Variants in RAB21 observed in about 807,000 individuals in gnomAD.
The protein encoded by RAB21 is ras-related protein Rab-21.
RAB21 carries 13 observed loss-of-function variants against 33.1 expected under a neutral mutation model. The observed-to-expected ratio is 0.39, with a 90% CI of 0.26 to 0.62. The LOEUF (loss-of-function observed/expected upper bound fraction) is 0.62. Among genes scored for constraint, RAB21 ranks in the 20% least tolerant of loss-of-function variants. The pLI is 0.48. For missense variants in RAB21, 234 were observed against 279.1 expected, an observed-to-expected ratio of 0.84 and a Z score of 1.15; for synonymous variants, 91 against 103.7, an observed-to-expected ratio of 0.88 and a Z score of 0.74.
At position 71,781,959 on chromosome 12, in the gene RAB21, A is replaced by C. The variant is rs73140637; in HGVS notation, c.392-72A>C. ...CTGGTAATTAAAATGGCAATTTTATATTTAGAATTGGCTTAATTTTGTTAT... is the reference window on the plus strand; with the variant it reads ...CTGGTAATTAAAATGGCAATTTTATCTTTAGAATTGGCTTAATTTTGTTAT... On this transcript the variant is annotated intron_variant, in intron 4 of 6. Coordinates refer to ENST00000261263, the MANE Select transcript of RAB21 (RefSeq NM_014999.4). 268 of 1,192,316 alleles carry C rather than the reference A, an allele frequency of 2.2e-4. 1 individual carries two copies. The highest frequency in any genetic ancestry group is 3.1e-4 in the Non-Finnish European group (255 of 832,692). The allele number at this position is 1,192,316 out of a possible 1,614,324, so 73.9% of individuals were successfully genotyped here. A position where few individuals can be genotyped will look rare whatever the true frequency, so the allele number is the denominator to read the frequency against.
intron 1 of RAB21, among the ~76,000 whole-genome samples, chr12:71,761,782 T>C (rs930940879): frequency 1.4e-4 from 21 of 152,268 alleles, no homozygotes; most frequent in Admixed American, 2.6e-4. Flanking sequence ...TATTTTATTT[T>C]TGAGACACTT....
rs1883303325 is a variant in RAB21, at chr12:71,786,982, G to C, written c.*1309G>C. ...AGATGGGTTCAGTGGTATGAGCAGA[G>C]GAAGAGATCCCAGATAGTAGCCAGT... is the stretch of plus-strand genomic sequence containing the variant. On this transcript the variant is annotated 3_prime_UTR_variant, in exon 7 of 7. Coordinates refer to ENST00000261263, the MANE Select transcript of RAB21 (RefSeq NM_014999.4). The C allele has an allele frequency of 6.6e-6, 1 of 152,190 alleles. No homozygotes were observed. The highest frequency in any genetic ancestry group is 1.5e-5 in the Non-Finnish European group (1 of 68,034). The allele number at this position is 152,190 out of a possible 1,614,324, so 9.4% of individuals were successfully genotyped here.
intron 3 of RAB21, 82 bp from the exon 4 acceptor site, chr12:71,773,877 G>T (rs1883079022): frequency 3.3e-6 from 3 of 902,848 alleles, no homozygotes; most frequent in African/African-American, 1.7e-5. Flanking sequence ...GAGGTATTTT[G>T]ACAGTGTTGA....
rs192953662 is a variant in RAB21 at position 71,773,966 on chromosome 12, A to T, written c.335A>T (p.Asn112Ile). Residue 112 changes from asparagine (N) to isoleucine (I), a missense_variant, in exon 4 of 7, where the codon AAC becomes ATC. Physicochemically the swap from Asn to Ile is moderately radical, Grantham distance 149. Transcript: ENST00000261263. ...TDEDSFQKVK[N>I]WVKELRKMLG... is the part of the protein sequence containing the mutation. ...GCTCTTTTGTATATACAGGTAAAAA[A>T]CTGGGTCAAAGAATTACGGAAAATG... 26 of 1,591,012 alleles carry T rather than the reference A, an allele frequency of 1.6e-5. No homozygotes were observed. The African/African-American group carries it at 3.4e-4, about 21-fold the overall frequency.
chr12:71,794,992 C>G lies in RAB21; in HGVS notation c.*9319C>G, dbSNP rs183441651. 46 of 151,806 alleles carry G rather than the reference C, an allele frequency of 3.0e-4. 1 individual carries two copies. In the East Asian group the frequency reaches 5.4e-3, roughly 18 times the overall value. 9.4% of individuals were successfully genotyped at this position (151,806 alleles called of 1,614,324 possible). A position where few individuals can be genotyped will look rare whatever the true frequency, so the allele number is the denominator to read the frequency against. ...GTCGAATTATTTTCATAGTAATCACCATGTGTAAGCAATTCTCATCTGTGG... is the reference window on the plus strand; with the variant it reads ...GTCGAATTATTTTCATAGTAATCACGATGTGTAAGCAATTCTCATCTGTGG... On this transcript the variant is annotated 3_prime_UTR_variant, in exon 7 of 7. Coordinates refer to ENST00000261263, the MANE Select transcript of RAB21 (RefSeq NM_014999.4).
chr12:71,767,638 A>T (rs1355290243), intron 1 of RAB21, among the ~76,000 whole-genome samples: 2 of 152,136 alleles, frequency 1.3e-5, no homozygotes, highest in Non-Finnish European at 2.9e-5. Flanking sequence ...CCCCAGAGGA[A>T]ATGTGAAGAC....
chr12:71,779,307 A>C (rs1209947551), intron 4 of RAB21, among the ~76,000 whole-genome samples: 1 of 152,164 alleles, frequency 6.6e-6, no homozygotes, highest in Non-Finnish European at 1.5e-5. Context: ...AAAAAATACA[A>C]AAATTAGCCA....
chr12:71,787,931 T>A lies in RAB21; in HGVS notation c.*2258T>A, dbSNP rs779380754. On this transcript the variant is annotated 3_prime_UTR_variant, in exon 7 of 7. Coordinates refer to ENST00000261263, the MANE Select transcript of RAB21 (RefSeq NM_014999.4). ...GACAGAGTGAAGAAAGCTTTTCCAT[T>A]CTTACTGTTGTAGAAGTAGATAGGA... 6.6e-6 allele frequency: 1 copy of A among 152,180 alleles called. No individual in the cohort carries two copies. The highest frequency in any genetic ancestry group is 2.4e-5 in the African/African-American group (1 of 41,436). 9.4% of individuals were successfully genotyped at this position (152,180 alleles called of 1,614,324 possible). A position where few individuals can be genotyped will look rare whatever the true frequency, so the allele number is the denominator to read the frequency against.
At chr12:71,773,665 T>A (rs1032589015) in intron 3 of RAB21, among the ~76,000 whole-genome samples, 4 of 152,238 alleles carry the variant, frequency 2.6e-5, no homozygotes, top group African/African-American at 9.6e-5. Context: ...TATCAGAAGC[T>A]GGAGTTGATA....
chr12:71,774,475 T>C (rs985380096), intron 4 of RAB21, among the ~76,000 whole-genome samples: 77 of 147,592 alleles, frequency 5.2e-4, no homozygotes, highest in African/African-American at 1.9e-3. Flanking sequence ...CAAAAAAAAA[T>C]AGGCTGGGCA....
chr12:71,775,507 T>C (rs928022051), intron 4 of RAB21, among the ~76,000 whole-genome samples: 1 of 152,110 alleles, frequency 6.6e-6, no homozygotes, highest in Admixed American at 6.5e-5. Context: ...AATGGAATGG[T>C]CAGTTTGGGC....
chr12:71,774,886 C>T (rs1289502364), intron 4 of RAB21, among the ~76,000 whole-genome samples: 1 of 152,026 alleles, frequency 6.6e-6, no homozygotes, highest in East Asian at 1.9e-4. Flanking sequence ...AGCCTTGCTT[C>T]AATTTGACCT....
intron 1 of RAB21, among the ~76,000 whole-genome samples, chr12:71,763,947 A>AT (rs1292206031): frequency 2.0e-5 from 3 of 152,126 alleles, no homozygotes; most frequent in South Asian, 2.1e-4. Context: ...GAATCACTGT[A>AT]TTTTTTAAAA....
chr12:71,798,776 T>C lies in RAB21; in HGVS notation c.*13103T>C, dbSNP rs764193651. The C allele has an allele frequency of 2.6e-5, 4 of 152,218 alleles. No individual in the cohort carries two copies. The highest frequency in any genetic ancestry group is 9.6e-5 in the African/African-American group (4 of 41,462). 9.4% of individuals were successfully genotyped at this position (152,218 alleles called of 1,614,324 possible). A position where few individuals can be genotyped will look rare whatever the true frequency, so the allele number is the denominator to read the frequency against. ...TGGAGGGAACAAGTATTTTTGCTGA[T>C]AGAGGGGTAAACTGGAACAACCGCT... On this transcript the variant is annotated 3_prime_UTR_variant, in exon 7 of 7. Transcript: ENST00000261263.
chr12:71,758,059 G>A (rs1882812340), intron 1 of RAB21, among the ~76,000 whole-genome samples: 1 of 150,930 alleles, frequency 6.6e-6, no homozygotes, highest in South Asian at 2.1e-4. Flanking sequence ...TTGAGATGGA[G>A]TCTCACTCTA....
rs572905220 is a variant in RAB21 at position 71,787,420 on chromosome 12, A to C, written c.*1747A>C. On this transcript the variant is annotated 3_prime_UTR_variant, in exon 7 of 7. Coordinates refer to ENST00000261263, the MANE Select transcript of RAB21 (RefSeq NM_014999.4). ...CGTGCTTGGAAAACTAGTAAATATTATGTCTAAGATAAAATGGAATGGCCC... is the reference window on the plus strand; with the variant it reads ...CGTGCTTGGAAAACTAGTAAATATTCTGTCTAAGATAAAATGGAATGGCCC... 8.5e-5 allele frequency: 13 copies of C among 152,306 alleles called. 1 individual carries two copies. Among genetic ancestry groups the C allele is most frequent in the Admixed American group, 8.5e-4 (13 of 15,300 alleles). 9.4% of individuals were successfully genotyped at this position (152,306 alleles called of 1,614,324 possible). A position where few individuals can be genotyped will look rare whatever the true frequency, so the allele number is the denominator to read the frequency against.
At chr12:71,771,743 G>T (rs963176267) in intron 3 of RAB21, among the ~76,000 whole-genome samples, 1 of 152,154 alleles carries the variant, frequency 6.6e-6, no homozygotes, top group African/African-American at 2.4e-5. Flanking sequence ...GGAGGTCGAG[G>T]ACAGCGGGTC....
chr12:71,782,140 T>TTA (rs1883210734), intron 5 of RAB21, 55 bp downstream of exon 5: 3 of 1,488,070 alleles, frequency 2.0e-6, no homozygotes, highest in African/African-American at 2.8e-5. Flanking sequence ...ATCTTCCTCT[T>TTA]TATACGTTTT....
chr12:71,755,703 C>G (rs1174556411), intron 1 of RAB21, among the ~76,000 whole-genome samples: 1 of 152,194 alleles, frequency 6.6e-6, no homozygotes, highest in African/African-American at 2.4e-5. Flanking sequence ...TTTGTAACTT[C>G]AGCGCTTACT....
Sources: allele counts gnomAD v4.1 joint callset (sites outside exome capture counted in the v4.1 genomes callset), GRCh38; gene constraint gnomAD v4.1.1; transcripts MANE v1.5; gene names NCBI Gene and HGNC (gene_info 2026-07-23, HGNC 2026-07-21).